The following POLRMT variants were observed in gnomAD, a reference collection of about 807,000 sequenced individuals.
POLRMT encodes the protein DNA-directed RNA polymerase, mitochondrial.
A neutral mutation model predicts 132.2 loss-of-function variants in POLRMT; 114 were observed. That is an observed-to-expected ratio of 0.86 (90% confidence interval 0.74 to 1.01). The LOEUF is 1.01. Among genes scored for constraint, POLRMT ranks in the 50% least tolerant of loss-of-function variants. POLRMT has a pLI of 0.00. For missense variants in POLRMT, 2,003 were observed against 1,729.1 expected, an observed-to-expected ratio of 1.16 and a Z score of -2.81; for synonymous variants, 1,020 against 773.4, an observed-to-expected ratio of 1.32 and a Z score of -5.29.
At chr19:631,307 GAC>G (rs898437521) in intron 2 of POLRMT, among the ~76,000 whole-genome samples, 11 of 133,822 alleles carry the variant, frequency 8.2e-5, no homozygotes, top group African/African-American at 2.7e-4. Flanking sequence ...CAGCCTGAGA[GAC>G]AGAGCAGGAC....
Position 632,912 on chromosome 19 carries a change from T to A in POLRMT, c.115A>T (p.Arg39Trp), listed in dbSNP as rs111384445. 61 of 1,530,540 alleles carry A rather than the reference T, an allele frequency of 4.0e-5. No individual in the cohort carries two copies. In the African/African-American group the frequency reaches 7.0e-4, roughly 18 times the overall value. 94.8% of individuals were successfully genotyped at this position (1,530,540 alleles called of 1,614,324 possible). A position where few individuals can be genotyped will look rare whatever the true frequency, so the allele number is the denominator to read the frequency against. The part of the protein sequence containing the change: ...EGTAGGVCGP[R>W]RSSSASPQEQ... ...TGGGGGCTGGCGGACGAGCTCCTCC[T>A]GGGGCCGCAGACGCCACCGGCGGTC... The change falls in exon 2 of 21, where the codon AGG becomes TGG. Residue 39 changes from arginine to tryptophan, a missense_variant. By Grantham distance (101) the Arg-to-Trp change is moderately radical. Transcript: ENST00000588649.
Position 624,833 on chromosome 19 carries a change from C to T in POLRMT, c.1026G>A (p.Glu342=). ...ALFTAVLLSE[E]DRATVLKAVH... ...CGGCCTTCAGAACAGTGGCCCGATC[C>T]TCCTCAGACAGCAGAACGGCGGTGA... Residue 342 remains glutamate (E), a synonymous_variant, in exon 5 of 21, where the codon GAG becomes GAA. Transcript: ENST00000588649. 1 of 1,613,434 alleles carries T rather than the reference C, an allele frequency of 6.2e-7. No individual in the cohort carries two copies. Among genetic ancestry groups the T allele is most frequent in the South Asian group, 1.1e-5 (1 of 91,088 alleles).
In POLRMT at chr19:617,433, G is replaced by C. The variant is rs763208241; in HGVS notation, c.3629C>G (p.Ala1210Gly). ...EASQLKETLQ[A>G]VPKPGAFDLE... is the part of the protein sequence containing the mutation. ...CACCCGCCTACCTGGCTTGGGCACC[G>C]CCTGCAGTGTCTCCTTCAGCTGGCT... is the stretch of plus-strand genomic sequence containing the variant. Residue 1210 changes from alanine to glycine, a missense_variant, in exon 20 of 21, where the codon GCG becomes GGG. Coordinates refer to ENST00000588649, the MANE Select transcript of POLRMT (RefSeq NM_005035.4). The C allele has an allele frequency of 6.2e-6, 10 of 1,611,828 alleles. No homozygotes were observed. The highest frequency in any genetic ancestry group is 8.5e-6 in the Non-Finnish European group (10 of 1,179,732).
In POLRMT at chr19:621,775, G is replaced by C. The variant is rs748687181; in HGVS notation, c.1923C>G (p.Phe641Leu). ...LEKAAEPTLT[F>L]EAVDVPMLCP... is the part of the protein sequence containing the mutation. ...AAAGCATGGGTACATCCACCGCCTC[G>C]AAGGTCAGCGTGGGCTCCGCGGCCT... The change falls in exon 10 of 21, where the codon TTC becomes TTG. Residue 641 changes from phenylalanine (F) to leucine (L), a missense_variant. Phe to Leu is a conservative substitution (Grantham distance 22). Coordinates refer to ENST00000588649, the MANE Select transcript of POLRMT (RefSeq NM_005035.4). The C allele has an allele frequency of 6.9e-6, 11 of 1,601,848 alleles. No individual in the cohort carries two copies. The highest frequency in any genetic ancestry group is 4.0e-5 in the African/African-American group (3 of 74,934).
Position 630,014 on chromosome 19 carries a change from C to T in POLRMT, c.348G>A (p.Pro116=), listed in dbSNP as rs777751682. 31 of 1,613,698 alleles carry T rather than the reference C, an allele frequency of 1.9e-5. No homozygotes were observed. The highest frequency in any genetic ancestry group is 2.4e-5 in the Non-Finnish European group (28 of 1,180,030). Reference sequence around the variant, plus strand: ...TCTTTGCCCAGCGGCCACAGGGCACCGGGGTGGCATCCTTGGCCCCCATCT... The same window carrying T: ...TCTTTGCCCAGCGGCCACAGGGCACTGGGGTGGCATCCTTGGCCCCCATCT... ...KVQMGAKDAT[P]VPCGRWAKIL... is the part of the protein sequence containing the mutation. The change falls in exon 3 of 21, where the codon CCG becomes CCA. Residue 116 remains proline, a synonymous_variant. Coordinates refer to ENST00000588649, the MANE Select transcript of POLRMT (RefSeq NM_005035.4).
intron 10 of POLRMT, 149 bp from the exon 11 acceptor site, chr19:620,636 T>A: frequency 2.9e-6 from 3 of 1,048,446 alleles, no homozygotes; most frequent in Non-Finnish European, 4.0e-6. Flanking sequence ...GACGGGGCGG[T>A]GGCTGGATGA....
At chr19:625,375 G>C in intron 3 of POLRMT, 121 bp from the exon 4 acceptor site, 1 of 1,385,896 alleles carries the variant, frequency 7.2e-7, no homozygotes, top group Non-Finnish European at 9.9e-7. Context: ...CACCAGGCAG[G>C]AGTGGCCAGC....
chr19:620,290 A>C, intron 11 of POLRMT, 75 bp downstream of exon 11: 4 of 1,473,710 alleles, frequency 2.7e-6, no homozygotes, highest in Non-Finnish European at 2.7e-6. Context: ...CGAAGGTGAA[A>C]TCTCACACCC....
At chr19:624,007 C>T (rs929404824) in intron 5 of POLRMT, among the ~76,000 whole-genome samples, 7 of 152,218 alleles carry the variant, frequency 4.6e-5, no homozygotes, top group African/African-American at 1.4e-4. Flanking sequence ...GAATCAAAGA[C>T]GCACGTCCAC....
intron 5 of POLRMT, among the ~76,000 whole-genome samples, chr19:624,329 TG>T (rs1462813776): frequency 1.3e-5 from 2 of 152,164 alleles, no homozygotes; most frequent in Non-Finnish European, 2.9e-5. Context: ...TTTAGGGTGA[TG>T]GAACATTCTA....
chr19:622,489 C>G (rs1484151109), intron 8 of POLRMT, 93 bp downstream of exon 8: 18 of 1,480,606 alleles, frequency 1.2e-5, no homozygotes, highest in Non-Finnish European at 1.4e-5. Flanking sequence ...GATGAACAGA[C>G]TGAAGCTTGG....
chr19:633,484 G>T lies in POLRMT; in HGVS notation c.29C>A (p.Ala10Glu). Residue 10 changes from alanine (A) to glutamate (E), a missense_variant, in exon 1 of 21, where the codon GCG (alanine) becomes GAG (glutamate). Ala to Glu is a moderately radical substitution (Grantham distance 107). Coordinates refer to ENST00000588649, the MANE Select transcript of POLRMT (RefSeq NM_005035.4). MSALCWGRG[A>E]AGLKRALRPC... ...CCGTAGGGCTCGTTTGAGCCCCGCC[G>T]CTCCGCGGCCCCAGCAAAGTGCCGA... 4 of 1,557,900 alleles carry T rather than the reference G, an allele frequency of 2.6e-6. No homozygotes were observed. The highest frequency in any genetic ancestry group is 3.5e-6 in the Non-Finnish European group (4 of 1,154,344).
At position 623,551 on chromosome 19, in the gene POLRMT, C is replaced by T; in HGVS notation, c.1193G>A (p.Cys398Tyr). The T allele has an allele frequency of 6.2e-7, 1 of 1,613,680 alleles. No homozygotes were observed. Among genetic ancestry groups the T allele is most frequent in the Non-Finnish European group, 8.5e-7 (1 of 1,179,996 alleles). ...KLHLPLKTLQ[C>Y]LFEKQLHMEL... ...CATGTGGAGCTGCTTCTCAAAGAGG[C>T]ACTGCAGGGTCTTCAAGGGCAGGTG... The change falls in exon 6 of 21, where the codon TGC becomes TAC. Residue 398 changes from cysteine (C) to tyrosine (Y), a missense_variant. Coordinates refer to ENST00000588649, the MANE Select transcript of POLRMT (RefSeq NM_005035.4).
Position 621,546 on chromosome 19 carries a change from G to T in POLRMT, c.2152C>A (p.Leu718Met). 1 of 1,413,698 alleles carries T rather than the reference G, an allele frequency of 7.1e-7. No individual in the cohort carries two copies. Among genetic ancestry groups the T allele is most frequent in the African/African-American group, 1.5e-5 (1 of 66,456 alleles). The allele number at this position is 1,413,698 out of a possible 1,614,324, so 87.6% of individuals were successfully genotyped here. A position where few individuals can be genotyped will look rare whatever the true frequency, so the allele number is the denominator to read the frequency against. ...CAGCCCTTGGCCTGGAAGAGCTGCA[G>T]CACCAGGTCCAGCACGCGCCCGTTG... ...RVNGRVLDLVLQLFQAKGCPQ... is the reference protein window; with the variant it reads ...RVNGRVLDLVMQLFQAKGCPQ... Residue 718 changes from leucine (L) to methionine (M), a missense_variant, in exon 10 of 21, where the codon CTG (leucine) becomes ATG (methionine). By Grantham distance (15) the Leu-to-Met change is conservative (BLOSUM62 2). Transcript: ENST00000588649.
Position 630,182 on chromosome 19 carries a change from A to G in POLRMT, c.194-14T>C. On this transcript the variant is annotated splice_polypyrimidine_tract_variant and intron_variant, in intron 2 of 20. Coordinates refer to ENST00000588649, the MANE Select transcript of POLRMT (RefSeq NM_005035.4). The stretch of plus-strand genomic sequence containing the variant: ...GCGCCTGGAGCACTGTGAGGGGCAG[A>G]AGGCGAGGACATGAGAGGGACCCCC... The G allele has an allele frequency of 6.4e-7, 1 of 1,571,354 alleles. No individual in the cohort carries two copies. The highest frequency in any genetic ancestry group is 8.6e-7 in the Non-Finnish European group (1 of 1,157,604).
chr19:623,685 C>G (rs374600586), intron 5 of POLRMT, 82 bp from the exon 6 acceptor site: 3 of 1,484,362 alleles, frequency 2.0e-6, no homozygotes, highest in Non-Finnish European at 2.8e-6. Context: ...CATGGGTGCA[C>G]GCGTTTCTGC....
chr19:626,103 T>C (rs1984998427), intron 3 of POLRMT, among the ~76,000 whole-genome samples: 1 of 152,190 alleles, frequency 6.6e-6, no homozygotes, highest in South Asian at 2.1e-4. Context: ...TCATTTTCAT[T>C]ATCTCCAAGT....
In POLRMT at chr19:617,622, C is replaced by G; in HGVS notation, c.3529G>C (p.Glu1177Gln). The G allele has an allele frequency of 2.5e-6, 4 of 1,612,388 alleles. No homozygotes were observed. Among genetic ancestry groups the G allele is most frequent in the South Asian group, 1.1e-5 (1 of 91,078 alleles). The change falls in exon 19 of 21, where the codon GAG becomes CAG. Residue 1177 changes from glutamate to glutamine, a missense_variant. By Grantham distance (29) the Glu-to-Gln change is conservative (BLOSUM62 2). Transcript: ENST00000588649. ...CTGGACAGGTCCTGCAGGATGGGCT[C>G]GCTGTGCAAGCGGACAAACTGCTCC... ...CREQFVRLHS[E>Q]PILQDLSRFL...
Position 622,771 on chromosome 19 carries a change from A to G in POLRMT, c.1456-19T>C, listed in dbSNP as rs1390662517. 6 of 1,569,784 alleles carry G rather than the reference A, an allele frequency of 3.8e-6. No individual in the cohort carries two copies. The highest frequency in any genetic ancestry group is 4.3e-6 in the Non-Finnish European group (5 of 1,159,766). On this transcript the variant is annotated intron_variant, in intron 7 of 20. Transcript: ENST00000588649. ...GCAGGACCTGCGGAAGGCAGCCGTG[A>G]GTGCCTGCCCGCCCCGCCCGGGGAC...
Sources: gnomAD v4.1 joint callset for allele counts (sites outside exome capture counted in the v4.1 genomes callset) on GRCh38, gnomAD v4.1.1 for gene constraint, MANE v1.5 for transcripts, NCBI Gene and HGNC (gene_info 2026-07-23, HGNC 2026-07-21) for gene names.